DLGAP1: variants seen among roughly 807,000 people sequenced by gnomAD.
DLGAP1 encodes disks large-associated protein 1.
In DLGAP1, 11 loss-of-function variants were observed where a neutral mutation model predicts 90.8. The observed-to-expected ratio is 0.12, with a 90% CI of 0.08 to 0.20. DLGAP1 has a LOEUF of 0.20. DLGAP1 is among the 10% of genes least tolerant of loss of function. The probability of loss-of-function intolerance (pLI) is 1.00; values close to 1 mark genes in which losing one functional copy is unlikely to be tolerated. For synonymous variants in DLGAP1, 558 were observed against 540.7 expected, an observed-to-expected ratio of 1.03 and a Z score of -0.44; for missense variants, 1,050 against 1,333.8, an observed-to-expected ratio of 0.79 and a Z score of 3.31.
intron 4 of DLGAP1, among the ~76,000 whole-genome samples, chr18:3,836,364 GA>G (rs1174425851): frequency 6.6e-5 from 10 of 152,128 alleles, no homozygotes; most frequent in African/African-American, 9.7e-5. Context: ...TATGAAAGAG[GA>G]AATGAGGTCT....
At chr18:4,000,230 A>G (rs1242586017) in intron 3 of DLGAP1, among the ~76,000 whole-genome samples, 1 of 14,238 alleles carries the variant, frequency 7.0e-5, no homozygotes, top group African/African-American at 2.3e-4. Flanking sequence ...TCCCATTTTT[A>G]CTTTTCTCAT....
chr18:3,695,763 G>T (rs893747312), intron 7 of DLGAP1, among the ~76,000 whole-genome samples: 2 of 152,106 alleles, frequency 1.3e-5, no homozygotes, highest in Admixed American at 1.3e-4. Flanking sequence ...GCTTGATGGG[G>T]ATAGCATTTA....
At chr18:4,416,991 A>G in intron 1 of DLGAP1, among the ~76,000 whole-genome samples, 1 of 152,250 alleles carries the variant, frequency 6.6e-6, no homozygotes, top group East Asian at 1.9e-4. Context: ...AGTCAGGAGC[A>G]TAGTGTGTTT....
intron 2 of DLGAP1, among the ~76,000 whole-genome samples, chr18:4,021,314 C>T (rs919019466): frequency 6.6e-6 from 1 of 152,140 alleles, no homozygotes; most frequent in African/African-American, 2.4e-5. Flanking sequence ...CCTTCATAGC[C>T]TGGGGCTGTG....
At chr18:3,854,111 C>T (rs968820299) in intron 4 of DLGAP1, among the ~76,000 whole-genome samples, 1 of 152,084 alleles carries the variant, frequency 6.6e-6, no homozygotes, top group African/African-American at 2.4e-5. Context: ...TTATGAACCC[C>T]TCCCCCTAAT....
intron 1 of DLGAP1, among the ~76,000 whole-genome samples, chr18:4,380,714 T>C (rs567883246): frequency 2.8e-4 from 42 of 152,324 alleles, no homozygotes; most frequent in Middle Eastern, 3.4e-3. Context: ...TTAATATGTT[T>C]CCCAGAATCT....
At chr18:4,289,806 GA>G (rs1444689973) in intron 1 of DLGAP1, among the ~76,000 whole-genome samples, 1 of 152,096 alleles carries the variant, frequency 6.6e-6, no homozygotes, top group Non-Finnish European at 1.5e-5. Flanking sequence ...CCTGAACTTA[GA>G]AACAATTGTA....
At chr18:3,863,697 A>G (rs1599042457) in intron 4 of DLGAP1, among the ~76,000 whole-genome samples, 2 of 152,316 alleles carry the variant, frequency 1.3e-5, no homozygotes, top group South Asian at 2.1e-4. Context: ...TCCTCACAAC[A>G]GTGCAGTGCT....
intron 2 of DLGAP1, among the ~76,000 whole-genome samples, chr18:4,140,154 T>C (rs2076472691): frequency 1.3e-5 from 2 of 151,992 alleles, no homozygotes; most frequent in African/African-American, 4.8e-5. Context: ...TTACCTGTGT[T>C]CTGGGTGTTT....
At chr18:3,754,675 T>A (rs1487110194) in intron 5 of DLGAP1, among the ~76,000 whole-genome samples, 1 of 146,728 alleles carries the variant, frequency 6.8e-6, no homozygotes, top group Non-Finnish European at 1.5e-5. Flanking sequence ...AGCTCAGGAG[T>A]TTGAGACCAG....
chr18:3,831,844 C>G (rs1444456399), intron 4 of DLGAP1, among the ~76,000 whole-genome samples: 1 of 152,172 alleles, frequency 6.6e-6, no homozygotes, highest in Non-Finnish European at 1.5e-5. Flanking sequence ...AGAAGACAAA[C>G]ATGAAGGAAT....
intron 7 of DLGAP1, among the ~76,000 whole-genome samples, chr18:3,615,246 C>T (rs568571965): frequency 6.6e-6 from 1 of 152,182 alleles, no homozygotes; most frequent in South Asian, 2.1e-4. Context: ...TAAAAAGATG[C>T]ATAAATAGAG....
chr18:4,431,560 T>C (rs1459775543), intron 1 of DLGAP1, among the ~76,000 whole-genome samples: 1 of 152,204 alleles, frequency 6.6e-6, no homozygotes, highest in Non-Finnish European at 1.5e-5. Flanking sequence ...AATGTAATAG[T>C]CAAAACCATC....
In DLGAP1 at chr18:3,879,240, T is replaced by C. The variant is rs2071082426; in HGVS notation, c.829A>G (p.Ser277Gly). The C allele has an allele frequency of 1.9e-6, 3 of 1,596,210 alleles. No individual in the cohort carries two copies. In the South Asian group the frequency reaches 3.4e-5, roughly 18 times the overall value. The change falls in exon 4 of 13, where the codon AGC becomes GGC. Residue 277 changes from serine to glycine, a missense_variant. By Grantham distance (56) the Ser-to-Gly change is moderately conservative. Coordinates refer to ENST00000315677, the MANE Select transcript of DLGAP1 (RefSeq NM_004746.4). The surrounding 1 kb of genome is among the most constrained non-coding windows in gnomAD (Gnocchi z 6.6). ...ACGGTGAGCGTGGAGGACCAGGCGC[T>C]CTTCTTCAGCAGCGGGGTGTCCAGG... ...VSLDTPLLKK[S>G]AWSSTLTVSR...
intron 2 of DLGAP1, among the ~76,000 whole-genome samples, chr18:4,095,015 C>T (rs535519762): frequency 6.6e-6 from 1 of 152,280 alleles, no homozygotes; most frequent in East Asian, 1.9e-4. Flanking sequence ...TCTTCCCGTT[C>T]ATTCAGTCAG....
intron 3 of DLGAP1, among the ~76,000 whole-genome samples, chr18:3,930,998 A>C (rs1413988586): frequency 1.3e-5 from 2 of 152,024 alleles, no homozygotes; most frequent in Non-Finnish European, 2.9e-5. Flanking sequence ...CATTTTCTCT[A>C]CTGCCTACCC....
intron 2 of DLGAP1, among the ~76,000 whole-genome samples, chr18:4,126,155 G>T (rs2076230281): frequency 6.6e-6 from 1 of 152,188 alleles, no homozygotes; most frequent in Non-Finnish European, 1.5e-5. Flanking sequence ...TTTTGTAAGT[G>T]AGTCCTCTCA....
chr18:4,313,292 G>A (rs547717674), intron 1 of DLGAP1, among the ~76,000 whole-genome samples: 58 of 152,268 alleles, frequency 3.8e-4, no homozygotes, highest in African/African-American at 1.3e-3. Context: ...ATGTGGGTTG[G>A]GTGGATAGAG....
intron 1 of DLGAP1, among the ~76,000 whole-genome samples, chr18:4,173,576 A>G (rs2077058201): frequency 6.6e-6 from 1 of 152,174 alleles, no homozygotes; most frequent in African/African-American, 2.4e-5. Flanking sequence ...TTAAAAAAAA[A>G]ATCCTAGGCT....
Sources: allele counts gnomAD v4.1 joint callset (sites outside exome capture counted in the v4.1 genomes callset), GRCh38; gene constraint gnomAD v4.1.1; non-coding constraint Gnocchi (gnomAD v3.1); transcripts MANE v1.5; gene names NCBI Gene and HGNC (gene_info 2026-07-23, HGNC 2026-07-21).